ATIC: variants seen among roughly 807,000 people sequenced by gnomAD.
ATIC encodes the protein 5-aminoimidazole-4-carboxamide ribonucleotide formyltransferase/IMP cyclohydrolase, also known as bifunctional purine biosynthesis protein ATIC.
ATIC carries 64 observed loss-of-function variants against 72.5 expected under a neutral mutation model. The ratio of observed to expected loss-of-function variants is 0.88; its 90% confidence interval spans 0.72 to 1.09. The LOEUF is 1.09. Ranked by LOEUF, ATIC falls within the 50% of genes least tolerant of loss-of-function variation. The pLI is 0.00. For synonymous variants in ATIC, 281 were observed against 267.1 expected (o/e 1.05, Z -0.51); for missense variants, 787 against 732.4 (o/e 1.07, Z -0.86).
rs768319628 is a variant in ATIC, at chr2:215,318,247, A to G, written c.223+14A>G. ...CAGTCCATGCTGGTAAGTGGTTGGT[A>G]TCTTTAATGTAAAAACAGTCAGTGG... On this transcript the variant is annotated intron_variant, in intron 3 of 15. Transcript: ENST00000236959. 3.2e-5 allele frequency: 51 copies of G among 1,607,742 alleles called. No homozygotes were observed. Among genetic ancestry groups the G allele is most frequent in the Non-Finnish European group, 3.9e-5 (46 of 1,174,254 alleles).
At chr2:215,343,731 C>T (rs2053043778) in intron 12 of ATIC, among the ~76,000 whole-genome samples, 1 of 152,176 alleles carries the variant, frequency 6.6e-6, no homozygotes, top group Non-Finnish European at 1.5e-5. Context: ...CGTAGCTTGT[C>T]TTTTCATCCT....
intron 4 of ATIC, among the ~76,000 whole-genome samples, chr2:215,321,268 G>A (rs1363987728): frequency 6.6e-6 from 1 of 152,008 alleles, no homozygotes; most frequent in Non-Finnish European, 1.5e-5. Flanking sequence ...CTTTCACTTA[G>A]CATGTTTTCA....
the ATIC span, among the ~76,000 whole-genome samples, chr2:215,365,271 T>C: frequency 6.6e-6 from 1 of 152,218 alleles, no homozygotes; most frequent in African/African-American, 2.4e-5. Flanking sequence ...TTACTGCAGA[T>C]AATGGTCAAA....
At chr2:215,333,279 G>C in intron 8 of ATIC, 71 bp from the exon 9 acceptor site, 1 of 1,320,584 alleles carries the variant, frequency 7.6e-7, no homozygotes, top group South Asian at 1.2e-5. Context: ...TAAGAAAACT[G>C]TCTTGATTTA....
chr2:215,351,696 T>A (rs559637685), downstream of ATIC, among the ~76,000 whole-genome samples: 1 of 152,276 alleles, frequency 6.6e-6, no homozygotes, highest in East Asian at 1.9e-4. Flanking sequence ...GCAGAAGAAT[T>A]CTAGGTAATT....
chr2:215,351,708 A>C (rs1297846136), downstream of ATIC, among the ~76,000 whole-genome samples: 1 of 152,258 alleles, frequency 6.6e-6, no homozygotes, highest in Non-Finnish European at 1.5e-5. Flanking sequence ...TAGGTAATTT[A>C]CATCAATACT....
chr2:215,330,387 G>GA (rs2052877895), intron 7 of ATIC, among the ~76,000 whole-genome samples: 3 of 152,110 alleles, frequency 2.0e-5, no homozygotes, highest in Admixed American at 6.6e-5. Context: ...CAGGTTTACA[G>GA]AAAAAATACA....
At chr2:215,359,772 C>T in the ATIC span, among the ~76,000 whole-genome samples, 1 of 151,446 alleles carries the variant, frequency 6.6e-6, no homozygotes, top group African/African-American at 2.4e-5. Flanking sequence ...AAGTATCTTT[C>T]TGTATTTAGT....
chr2:215,327,033 C>A, intron 7 of ATIC, 55 bp downstream of exon 7: 1 of 1,608,758 alleles, frequency 6.2e-7, no homozygotes, highest in South Asian at 1.1e-5. Context: ...GTGTGTGTTT[C>A]TCTGTATTGC....
chr2:215,312,213 C>T (rs1248075801), intron 1 of ATIC, 52 bp downstream of exon 1: 2 of 1,475,104 alleles, frequency 1.4e-6, no homozygotes, highest in South Asian at 1.3e-5. Context: ...CGGCCCCCCA[C>T]GCTCCCGCCT....
At chr2:215,349,413 T>G in intron 15 of ATIC, 123 bp from the exon 16 acceptor site, 1 of 1,579,466 alleles carries the variant, frequency 6.3e-7, no homozygotes, top group Non-Finnish European at 8.6e-7. Context: ...ACCCAAATCC[T>G]GTTGTTATTT....
At chr2:215,362,260 A>C in the ATIC span, 1 of 631,164 alleles carries the variant, frequency 1.6e-6, no homozygotes, top group East Asian at 2.8e-5. Context: ...ATTTTGGCTT[A>C]TTACCATATC....
At chr2:215,334,392 C>T (rs938569434) in intron 9 of ATIC, among the ~76,000 whole-genome samples, 9 of 151,892 alleles carry the variant, frequency 5.9e-5, no homozygotes, top group African/African-American at 2.2e-4. Flanking sequence ...GACATGGTTT[C>T]ACCATGTTGG....
downstream of ATIC, among the ~76,000 whole-genome samples, chr2:215,352,308 A>G (rs12478167): frequency 0.85 from 130,004 of 152,220 alleles, 56,473 homozygotes; most frequent in East Asian, 1. Flanking sequence ...TAGGCCGGGC[A>G]TGGTGGTTCA....
Position 215,315,775 on chromosome 2 carries a change from A to G in ATIC, c.147-2382A>G, listed in dbSNP as rs142689886. On this transcript the variant is annotated intron_variant, in intron 2 of 15. Coordinates refer to ENST00000236959, the MANE Select transcript of ATIC (RefSeq NM_004044.7). ...AGCCCAGCCTGGCCAACATGGTGCAACTCCATCTCTGCTAAAAATACAAAA... is the reference window on the plus strand; with the variant it reads ...AGCCCAGCCTGGCCAACATGGTGCAGCTCCATCTCTGCTAAAAATACAAAA... Among the ~76,000 whole-genome samples, 597 of 151,186 alleles carry G rather than the reference A, an allele frequency of 3.9e-3. 5 individuals are homozygous for G. The highest frequency in any genetic ancestry group is 0.013 in the African/African-American group (541 of 41,270).
chr2:215,365,197 G>A, the ATIC span, among the ~76,000 whole-genome samples: 5 of 152,122 alleles, frequency 3.3e-5, no homozygotes, highest in South Asian at 2.1e-4. Context: ...AGGGTCCAAC[G>A]GGAAGATGGA....
At position 215,312,159 on chromosome 2, in the gene ATIC, T is replaced by G; in HGVS notation, c.17T>G (p.Leu6Arg). The G allele has an allele frequency of 6.6e-7, 1 of 1,521,838 alleles. No homozygotes were observed. The highest frequency in any genetic ancestry group is 8.8e-7 in the Non-Finnish European group (1 of 1,141,818). The allele number at this position is 1,521,838 out of a possible 1,614,324, so 94.3% of individuals were successfully genotyped here. A position where few individuals can be genotyped will look rare whatever the true frequency, so the allele number is the denominator to read the frequency against. ...CCTGCAGCCATGGCTCCCGGCCAGC[T>G]CGGTGAGGCCCTAGCGGAGCGGCGC... MAPGQ[L>R]ALFSVSDKTG... Residue 6 changes from leucine to arginine, a missense_variant and splice_region_variant, in exon 1 of 16, where the codon CTC becomes CGC. Coordinates refer to ENST00000236959, the MANE Select transcript of ATIC (RefSeq NM_004044.7).
rs1475526927 is a variant in ATIC at position 215,346,940 on chromosome 2, A to G, written c.1502A>G (p.Glu501Gly). The change falls in exon 14 of 16, where the codon GAG (glutamate) becomes GGG (glycine). Residue 501 changes from glutamate (E) to glycine (G), a missense_variant and splice_region_variant. Physicochemically the swap from Glu to Gly is moderately conservative, Grantham distance 98 (BLOSUM62 -2). Transcript: ENST00000236959. ...IDQYVTGTIG[E>G]DEDLIKWKAL... The stretch of plus-strand genomic sequence containing the variant: ...CAATATGTGACTGGAACCATTGGCG[A>G]GGTGAAAGACTTGGCATTGGGTTCT... 1 of 1,614,204 alleles carries G rather than the reference A, an allele frequency of 6.2e-7. No homozygotes were observed. The highest frequency in any genetic ancestry group is 1.7e-5 in the Admixed American group (1 of 60,030).
downstream of ATIC, among the ~76,000 whole-genome samples, chr2:215,353,055 A>G (rs1033992866): frequency 6.6e-6 from 1 of 152,216 alleles, no homozygotes; most frequent in Admixed American, 6.5e-5. Context: ...TTCTTCCTGC[A>G]GGTTTATAAA....
Sources: gnomAD v4.1 joint callset for allele counts (sites outside exome capture counted in the v4.1 genomes callset) on GRCh38, gnomAD v4.1.1 for gene constraint, MANE v1.5 for transcripts, NCBI Gene and HGNC (gene_info 2026-07-23, HGNC 2026-07-21) for gene names.